Variants in MIDEAS observed in about 807,000 individuals in gnomAD.
MIDEAS encodes mitotic deacetylase-associated SANT domain protein.
A neutral mutation model predicts 102.7 loss-of-function variants in MIDEAS; 26 were observed. The observed-to-expected ratio is 0.25, with a 90% CI of 0.19 to 0.35. MIDEAS has a LOEUF of 0.35. MIDEAS is among the 10% of genes least tolerant of loss of function. The pLI is 1.00. For synonymous variants in MIDEAS, 585 were observed against 591.0 expected (o/e 0.99, Z 0.15); for missense variants, 1,231 against 1,435.6 (o/e 0.86, Z 2.30).
chr14:73,785,430 A>G (rs2053797938), intron 1 of MIDEAS, among the ~76,000 whole-genome samples: 1 of 151,940 alleles, frequency 6.6e-6, no homozygotes, highest in East Asian at 1.9e-4. Flanking sequence ...AGGAGGAGTC[A>G]CTCCTCTGCC....
intron 1 of MIDEAS, among the ~76,000 whole-genome samples, chr14:73,758,226 C>G (rs973563136): frequency 6.6e-6 from 1 of 152,218 alleles, no homozygotes; most frequent in African/African-American, 2.4e-5. Flanking sequence ...GGAAGACCTA[C>G]GAATTCTCAA....
At chr14:73,720,508 A>G (rs924242413) in intron 11 of MIDEAS, among the ~76,000 whole-genome samples, 22 of 151,984 alleles carry the variant, frequency 1.4e-4, no homozygotes, top group African/African-American at 5.1e-4. Flanking sequence ...TGGCCTCCCA[A>G]AGTGCTGGGA....
At chr14:73,731,419 G>C (rs549531135) in intron 3 of MIDEAS, among the ~76,000 whole-genome samples, 1 of 151,948 alleles carries the variant, frequency 6.6e-6, no homozygotes, top group African/African-American at 2.4e-5. Context: ...CTACAAATTG[G>C]GATGAAATGA....
intron 3 of MIDEAS, among the ~76,000 whole-genome samples, chr14:73,733,902 C>G (rs974397388): frequency 6.6e-6 from 1 of 151,852 alleles, no homozygotes; most frequent in Admixed American, 6.6e-5. Flanking sequence ...ACTATGTTGG[C>G]CAGGCTGGTC....
chr14:73,778,827 C>G (rs1050945386), intron 1 of MIDEAS, among the ~76,000 whole-genome samples: 9 of 152,140 alleles, frequency 5.9e-5, no homozygotes, highest in African/African-American at 1.9e-4. Flanking sequence ...AAACCTACTC[C>G]ATGGATCTCC....
At chr14:73,758,047 C>T (rs1448678144) in intron 1 of MIDEAS, among the ~76,000 whole-genome samples, 1 of 152,110 alleles carries the variant, frequency 6.6e-6, no homozygotes, top group Non-Finnish European at 1.5e-5. Context: ...GGGGCATCCT[C>T]CAGGTTCTTC....
rs201977850 is a variant in MIDEAS at position 73,737,272 on chromosome 14, C to T, written c.1475G>A (p.Arg492Gln). ...GGTAGTTGAGGCCAATACACTTTTC[C>T]GCTTCTCTTCAGAACCACTGCCATC... Reference protein sequence around the residue: ...AKDGSGSEEKRKSVLASTTKC... With the variant: ...AKDGSGSEEKQKSVLASTTKC... The change falls in exon 3 of 13, where the codon CGG becomes CAG. Residue 492 changes from arginine to glutamine, a missense_variant. Transcript: ENST00000423556. 9.1e-4 allele frequency: 1,464 copies of T among 1,611,966 alleles called. 1 individual carries two copies. The highest frequency in any genetic ancestry group is 1.2e-3 in the Non-Finnish European group (1,413 of 1,178,242).
At chr14:73,726,527 T>C (rs2053062633) in intron 7 of MIDEAS, 77 bp downstream of exon 7, 3 of 1,380,784 alleles carry the variant, frequency 2.2e-6, no homozygotes, top group South Asian at 1.2e-5. Context: ...CCAGCAGCCA[T>C]AGGTCCTGAG....
At chr14:73,736,733 G>GA (rs1380743445) in intron 3 of MIDEAS, among the ~76,000 whole-genome samples, 1 of 152,008 alleles carries the variant, frequency 6.6e-6, no homozygotes, top group Non-Finnish European at 1.5e-5. Flanking sequence ...TGCTGATCTG[G>GA]AAAAAGAGAT....
Position 73,759,367 on chromosome 14 carries a change from G to A in MIDEAS, c.-248+396C>T, listed in dbSNP as rs988817437. 1.1e-3 allele frequency among the ~76,000 whole-genome samples: 161 copies of A among 152,146 alleles called. No individual in the cohort carries two copies. The highest frequency in any genetic ancestry group is 1.9e-4 in the Non-Finnish European group (13 of 67,956). ...GACACCACGTTTCTCTCCAGCGGAGGAGGAGCAGCCGGATTCCCGAGCCGC... is the reference window on the plus strand; with the variant it reads ...GACACCACGTTTCTCTCCAGCGGAGAAGGAGCAGCCGGATTCCCGAGCCGC... On this transcript the variant is annotated intron_variant, in intron 1 of 12. Coordinates refer to ENST00000423556, the MANE Select transcript of MIDEAS (RefSeq NM_001367710.1). The surrounding 1 kb of genome is among the most constrained non-coding windows in gnomAD (Gnocchi z 6.7).
At chr14:73,770,635 C>G (rs1247010296) in intron 1 of MIDEAS, among the ~76,000 whole-genome samples, 1 of 152,164 alleles carries the variant, frequency 6.6e-6, no homozygotes, top group Non-Finnish European at 1.5e-5. Context: ...ACCAATTAAC[C>G]TCCAGCGTCC....
rs115221151 is a variant in MIDEAS at position 73,757,975 on chromosome 14, G to C, written c.-248+1788C>G. Among the ~76,000 whole-genome samples, 1,299 of 152,260 alleles carry C rather than the reference G, an allele frequency of 8.5e-3. 22 individuals are homozygous for C. Among genetic ancestry groups the C allele is most frequent in the African/African-American group, 0.029 (1,221 of 41,534 alleles). On this transcript the variant is annotated intron_variant, in intron 1 of 12. Coordinates refer to ENST00000423556, the MANE Select transcript of MIDEAS (RefSeq NM_001367710.1). ...GGGAGTGGGGGTTCTGCTGGCACTT[G>C]GAGAGGCCACACTGGCAGTGGCTAG...
chr14:73,764,352 A>AC, upstream of MIDEAS, among the ~76,000 whole-genome samples: 1 of 151,530 alleles, frequency 6.6e-6, no homozygotes, highest in South Asian at 2.1e-4. Context: ...AAAAAAAAAA[A>AC]AAAAAAAAAA....
rs1483919177 is a variant in MIDEAS at position 73,726,627 on chromosome 14, G to A, written c.2386C>T (p.His796Tyr). 1.9e-6 allele frequency: 3 copies of A among 1,614,102 alleles called. No homozygotes were observed. The highest frequency in any genetic ancestry group is 1.7e-5 in the Admixed American group (1 of 60,010). ...ACCAGGATGTCTCCTCTGGATTCGT[G>A]CAGACAGTGCAGGGCCAGCTCCTGG... Reference protein sequence around the residue: ...TNQELALHCLHESRGDILETL... With the variant: ...TNQELALHCLYESRGDILETL... The change falls in exon 7 of 13, where the codon CAC (histidine) becomes TAC (tyrosine). Residue 796 changes from histidine (H) to tyrosine (Y), a missense_variant. Transcript: ENST00000423556.
At position 73,725,397 on chromosome 14, in the gene MIDEAS, C is replaced by T; in HGVS notation, c.2486-37G>A. On this transcript the variant is annotated intron_variant, in intron 8 of 12. Transcript: ENST00000423556. The surrounding 1 kb of genome is among the most constrained non-coding windows in gnomAD (Gnocchi z 4.1). ...AGAGGCAGCCAGGGAGTGAGGTGGG[C>T]AGGGCCCTGGCCACTGCAGGGCAAT... 6.3e-7 allele frequency: 1 copy of T among 1,579,548 alleles called. No individual in the cohort carries two copies.
chr14:73,732,512 G>A (rs1037612778), intron 3 of MIDEAS, among the ~76,000 whole-genome samples: 10 of 152,214 alleles, frequency 6.6e-5, no homozygotes, highest in Non-Finnish European at 1.5e-4. Flanking sequence ...TTGTCCAGGT[G>A]TGGTGGCTCA....
intron 10 of MIDEAS, chr14:73,722,476 G>A: frequency 2.5e-6 from 1 of 394,282 alleles, no homozygotes. Context: ...GAATCTTGTG[G>A]GAAAATTACC....
At chr14:73,781,074 T>C (rs1009711826) in intron 1 of MIDEAS, among the ~76,000 whole-genome samples, 1 of 152,186 alleles carries the variant, frequency 6.6e-6, no homozygotes, top group Non-Finnish European at 1.5e-5. Flanking sequence ...TAATTATCAA[T>C]GCAGGATGGC....
At position 73,758,235 on chromosome 14, in the gene MIDEAS, A is replaced by G. The variant is rs139434113; in HGVS notation, c.-248+1528T>C. The stretch of plus-strand genomic sequence containing the variant: ...GGAAAAGGAAGACCTACGAATTCTC[A>G]ACCCGGGAAGGCTTCTCCTTTTCCC... On this transcript the variant is annotated intron_variant, in intron 1 of 12. Coordinates refer to ENST00000423556, the MANE Select transcript of MIDEAS (RefSeq NM_001367710.1). Among the ~76,000 whole-genome samples the G allele has an allele frequency of 2.7e-4, 41 of 152,318 alleles. No individual in the cohort carries two copies. In the East Asian group the frequency reaches 7.5e-3, roughly 28 times the overall value.
Sources: gnomAD v4.1 joint callset for allele counts (sites outside exome capture counted in the v4.1 genomes callset) on GRCh38, gnomAD v4.1.1 for gene constraint, Gnocchi (gnomAD v3.1) non-coding constraint, MANE v1.5 for transcripts, NCBI Gene and HGNC (gene_info 2026-07-23, HGNC 2026-07-21) for gene names.